ITFG1: variants seen among roughly 807,000 people sequenced by gnomAD.
ITFG1 encodes T-cell immunomodulatory protein.
In ITFG1, 34 loss-of-function variants were observed where a neutral mutation model predicts 81.8. That is an observed-to-expected ratio of 0.42 (90% CI 0.32 to 0.55). The LOEUF is 0.55. Among genes scored for constraint, ITFG1 ranks in the 20% least tolerant of loss-of-function variants. The pLI is 0.17. For missense variants in ITFG1, 672 were observed against 755.4 expected, an observed-to-expected ratio of 0.89 and a Z score of 1.29; for synonymous variants, 285 against 270.6, an observed-to-expected ratio of 1.05 and a Z score of -0.52.
At chr16:47,237,652 C>T (rs1357369256) in intron 13 of ITFG1, among the ~76,000 whole-genome samples, 1 of 152,116 alleles carries the variant, frequency 6.6e-6, no homozygotes, top group Non-Finnish European at 1.5e-5. Flanking sequence ...GGGTTACAGT[C>T]TCGTGTGGAG....
At chr16:47,190,017 T>G (rs1282397519) in intron 14 of ITFG1, among the ~76,000 whole-genome samples, 1 of 152,160 alleles carries the variant, frequency 6.6e-6, no homozygotes, top group Non-Finnish European at 1.5e-5. Flanking sequence ...TATGTGCAAT[T>G]ATGTTTTAGC....
intron 6 of ITFG1, among the ~76,000 whole-genome samples, chr16:47,407,164 A>T (rs1005182899): frequency 6.6e-6 from 1 of 152,214 alleles, no homozygotes; most frequent in African/African-American, 2.4e-5. Context: ...ATGGGAGACA[A>T]GGGTGGAAGC....
chr16:47,219,516 T>G (rs944567072), intron 13 of ITFG1, among the ~76,000 whole-genome samples: 3 of 152,112 alleles, frequency 2.0e-5, no homozygotes, highest in Non-Finnish European at 4.4e-5. Flanking sequence ...CCTCAAACCT[T>G]GAATAAAATG....
intron 8 of ITFG1, among the ~76,000 whole-genome samples, chr16:47,319,261 T>G (rs890518542): frequency 2.0e-5 from 3 of 152,218 alleles, no homozygotes; most frequent in Non-Finnish European, 4.4e-5. Context: ...GTCAGCTCAT[T>G]GCAGATAAAA....
chr16:47,155,363 G>A lies in ITFG1; in HGVS notation c.*356C>T, dbSNP rs2151503347. ...AGAATAAGAAGCAAGACCAAGTCAA[G>A]TGGACACAAAAATTCCTGCTCATTT... On this transcript the variant is annotated 3_prime_UTR_variant, in exon 18 of 18. Coordinates refer to ENST00000320640, the MANE Select transcript of ITFG1 (RefSeq NM_030790.5). 2 of 163,660 alleles carry A rather than the reference G, an allele frequency of 1.2e-5. No homozygotes were observed. Among genetic ancestry groups the A allele is most frequent in the South Asian group, 3.7e-4 (2 of 5,388 alleles). 10.1% of individuals were successfully genotyped at this position (163,660 alleles called of 1,614,324 possible). A position where few individuals can be genotyped will look rare whatever the true frequency, so the allele number is the denominator to read the frequency against.
intron 10 of ITFG1, among the ~76,000 whole-genome samples, chr16:47,293,017 G>GCT (rs1010103595): frequency 8.1e-5 from 12 of 148,800 alleles, no homozygotes; most frequent in Admixed American, 2.7e-4. Flanking sequence ...AGTATTCCAT[G>GCT]CTCTCTCTCT....
intron 12 of ITFG1, among the ~76,000 whole-genome samples, chr16:47,254,204 C>A (rs1217464254): frequency 6.6e-6 from 1 of 151,824 alleles, no homozygotes; most frequent in Non-Finnish European, 1.5e-5. Flanking sequence ...TTTTCCCCAT[C>A]TCTAATATCT....
chr16:47,405,400 G>C (rs1968716022), intron 6 of ITFG1, among the ~76,000 whole-genome samples: 1 of 152,128 alleles, frequency 6.6e-6, no homozygotes, highest in African/African-American at 2.4e-5. Flanking sequence ...TTTATGAATA[G>C]AACATTTTAT....
At chr16:47,443,805 A>C (rs75372701) in intron 5 of ITFG1, among the ~76,000 whole-genome samples, 2 of 152,166 alleles carry the variant, frequency 1.3e-5, no homozygotes, top group Non-Finnish European at 2.9e-5. Context: ...CTAAATGACG[A>C]GTTAATGGGT....
intron 10 of ITFG1, chr16:47,263,483 T>C: frequency 2.8e-6 from 1 of 360,126 alleles, no homozygotes; most frequent in Non-Finnish European, 5.6e-6. Context: ...TCATGACAAG[T>C]ATGATGGATC....
At chr16:47,361,719 T>C (rs1163159906) in intron 8 of ITFG1, among the ~76,000 whole-genome samples, 1 of 152,178 alleles carries the variant, frequency 6.6e-6, no homozygotes, top group Non-Finnish European at 1.5e-5. Context: ...ATTCTGCAAA[T>C]GATAACTTTT....
chr16:47,458,536 C>G (rs977869730), intron 2 of ITFG1, among the ~76,000 whole-genome samples: 5 of 152,158 alleles, frequency 3.3e-5, no homozygotes, highest in Admixed American at 2.6e-4. Flanking sequence ...TGTTGGGTCA[C>G]TATCATGGAG....
At chr16:47,438,301 A>T (rs1454341565) in intron 5 of ITFG1, among the ~76,000 whole-genome samples, 1 of 152,226 alleles carries the variant, frequency 6.6e-6, no homozygotes, top group African/African-American at 2.4e-5. Flanking sequence ...ACCTCTGCAG[A>T]CTTAAATATC....
chr16:47,218,937 C>T lies in ITFG1; in HGVS notation c.1384G>A (p.Val462Met), dbSNP rs1180933520. The T allele has an allele frequency of 3.2e-6, 5 of 1,586,186 alleles. No homozygotes were observed. Among genetic ancestry groups the T allele is most frequent in the Non-Finnish European group, 2.6e-6 (3 of 1,166,608 alleles). ...DCPRKITPFGVNQPGPYIMYT... is the reference protein window; with the variant it reads ...DCPRKITPFGMNQPGPYIMYT... ...ATGATATAAGGTCCAGGTTGATTCA[C>T]TCCAAAGGGCTGCAATAGAAAAAAA... Residue 462 changes from valine to methionine, a missense_variant, in exon 14 of 18, where the codon GTG (valine) becomes ATG (methionine). Val to Met is a conservative substitution (Grantham distance 21, BLOSUM62 1). Coordinates refer to ENST00000320640, the MANE Select transcript of ITFG1 (RefSeq NM_030790.5).
intron 10 of ITFG1, among the ~76,000 whole-genome samples, chr16:47,282,037 C>T (rs1376568054): frequency 6.6e-6 from 1 of 151,514 alleles, no homozygotes; most frequent in Non-Finnish European, 1.5e-5. Flanking sequence ...TATTTGTATA[C>T]ATAGTTAATA....
intron 6 of ITFG1, among the ~76,000 whole-genome samples, chr16:47,415,316 G>A (rs370628806): frequency 4.6e-5 from 7 of 152,168 alleles, no homozygotes; most frequent in African/African-American, 1.7e-4. Context: ...GGCCACTTCT[G>A]CTATGCATGG....
chr16:47,182,953 T>C (rs1965150177), intron 14 of ITFG1, among the ~76,000 whole-genome samples: 2 of 152,178 alleles, frequency 1.3e-5, no homozygotes. Flanking sequence ...ATTGCCTCAC[T>C]CGGGAAGCGC....
At chr16:47,421,046 G>A (rs901213037) in intron 6 of ITFG1, among the ~76,000 whole-genome samples, 23 of 151,584 alleles carry the variant, frequency 1.5e-4, no homozygotes, top group Admixed American at 1.3e-3. Flanking sequence ...ACCTTTCATC[G>A]AATATAAGTA....
At chr16:47,218,253 T>A (rs920364961) in intron 14 of ITFG1, 2 of 152,214 alleles carry the variant, frequency 1.3e-5, no homozygotes, top group Non-Finnish European at 2.9e-5. Flanking sequence ...CCTTTTCTTC[T>A]TTAGATAACT....
Sources: allele counts gnomAD v4.1 joint callset (sites outside exome capture counted in the v4.1 genomes callset), GRCh38; gene constraint gnomAD v4.1.1; transcripts MANE v1.5; gene names NCBI Gene and HGNC (gene_info 2026-07-23, HGNC 2026-07-21).